SVIL: variants seen among roughly 807,000 people sequenced by gnomAD.
SVIL encodes supervillin.
Under a neutral mutation model 240.4 loss-of-function variants are expected in SVIL, and 101 were observed. That is an observed-to-expected ratio of 0.42 (90% CI 0.36 to 0.50). The LOEUF is 0.50. Among genes scored for constraint, SVIL ranks in the 20% least tolerant of loss-of-function variants. The probability of loss-of-function intolerance (pLI) is 0.01; values close to 1 mark genes in which losing one functional copy is unlikely to be tolerated. For missense variants in SVIL, 2,512 were observed against 2,818.7 expected (o/e 0.89, Z 2.46); for synonymous variants, 999 against 1,100.0 (o/e 0.91, Z 1.82).
intron 1 of SVIL, among the ~76,000 whole-genome samples, chr10:29,622,277 A>G (rs4747671): frequency 6.8e-6 from 1 of 147,774 alleles, no homozygotes; most frequent in East Asian, 2.0e-4. Flanking sequence ...AAAAAAAAAG[A>G]ACCTTGGAAA....
chr10:29,696,104 GCCA>G (rs1961965266), intron 1 of SVIL, among the ~76,000 whole-genome samples: 1 of 151,798 alleles, frequency 6.6e-6, no homozygotes, highest in African/African-American at 2.4e-5. Flanking sequence ...GGCGCGCGCC[GCCA>G]CGCCTGACTG....
At position 29,727,746 on chromosome 10, in the gene SVIL, A is replaced by C. The variant is rs1386642377; in HGVS notation, c.-400+8005T>G. Among the ~76,000 whole-genome samples the C allele has an allele frequency of 6.9e-4, 104 of 151,450 alleles. 1 individual carries two copies. The highest frequency in any genetic ancestry group is 3.7e-3 in the South Asian group (18 of 4,830). On this transcript the variant is annotated intron_variant, in intron 1 of 35. Coordinates refer to the SVIL transcript ENST00000375400. The stretch of plus-strand genomic sequence containing the variant: ...GTGAATTAAGTCGTGAACACAAAAA[A>C]AAAAAAAAAAGAAAAAGTCACAAAA...
intron 6 of SVIL, among the ~76,000 whole-genome samples, chr10:29,540,030 C>T (rs1233576924): frequency 6.6e-6 from 1 of 152,174 alleles, no homozygotes; most frequent in East Asian, 1.9e-4. Context: ...ACCACCGCCT[C>T]TCACGTGCGT....
intron 16 of SVIL, among the ~76,000 whole-genome samples, chr10:29,516,750 C>T (rs567268733): frequency 7.9e-5 from 12 of 152,326 alleles, no homozygotes; most frequent in South Asian, 2.1e-4. Context: ...CCAGGGCCAC[C>T]GTGACAGGTG....
At chr10:29,658,439 A>G (rs1454588366) in intron 2 of SVIL, among the ~76,000 whole-genome samples, 3 of 152,232 alleles carry the variant, frequency 2.0e-5, no homozygotes, top group Non-Finnish European at 4.4e-5. Context: ...AGTACTTTCT[A>G]AATTCAAATT....
At chr10:29,628,500 C>A (rs1283604209) in intron 1 of SVIL, among the ~76,000 whole-genome samples, 1 of 152,180 alleles carries the variant, frequency 6.6e-6, no homozygotes, top group Non-Finnish European at 1.5e-5. Flanking sequence ...TATTTGCCAA[C>A]TTTCCATGCT....
chr10:29,648,627 C>A (rs1958741565), intron 3 of SVIL, among the ~76,000 whole-genome samples: 1 of 152,180 alleles, frequency 6.6e-6, no homozygotes, highest in Non-Finnish European at 1.5e-5. Context: ...CAATCACTTT[C>A]TCTTGCTCTT....
intron 6 of SVIL, among the ~76,000 whole-genome samples, chr10:29,543,678 T>C (rs1204743969): frequency 6.6e-6 from 1 of 152,070 alleles, no homozygotes; most frequent in Non-Finnish European, 1.5e-5. Context: ...CCTCTCTTCC[T>C]CCTCCATCTC....
chr10:29,458,295 C>T lies in SVIL; in HGVS notation c.6597G>A (p.Leu2199=), dbSNP rs560831581. 93 of 1,614,246 alleles carry T rather than the reference C, an allele frequency of 5.8e-5. No homozygotes were observed. In the South Asian group the frequency reaches 9.3e-4, roughly 16 times the overall value. Residue 2199 remains leucine (L), a synonymous_variant, in exon 38 of 38, where the codon CTG becomes CTA. Transcript: ENST00000355867. ...LDMTRDEYNA[L]PAWKQVNLKK... ...TCAGGTTCACCTGCTTCCAGGCGGG[C>T]AGGGCGTTGTATTCATCCCTCGTCA...
chr10:29,615,293 C>G (rs1957390547), intron 1 of SVIL, among the ~76,000 whole-genome samples: 1 of 152,168 alleles, frequency 6.6e-6, no homozygotes, highest in Non-Finnish European at 1.5e-5. Context: ...TGTTTCTTAG[C>G]CTTTTAAAAT....
At chr10:29,590,156 A>C (rs1956329831) in intron 1 of SVIL, among the ~76,000 whole-genome samples, 3 of 122,070 alleles carry the variant, frequency 2.5e-5, no homozygotes, top group Admixed American at 9.7e-5. Context: ...ACAGAGCAAG[A>C]CTCCGTCTCA....
At chr10:29,536,440 GA>G (rs202055484) in intron 6 of SVIL, among the ~76,000 whole-genome samples, 14 of 151,962 alleles carry the variant, frequency 9.2e-5, no homozygotes, top group African/African-American at 3.4e-4. Context: ...ATATTATAGG[GA>G]AAAAAAGAAT....
chr10:29,469,744 C>T (rs1945337608), intron 32 of SVIL, among the ~76,000 whole-genome samples: 1 of 152,176 alleles, frequency 6.6e-6, no homozygotes, highest in South Asian at 2.1e-4. Context: ...GGGAGGGGAA[C>T]AAAACCCAAC....
At chr10:29,574,787 G>T (rs1263480202) in intron 1 of SVIL, among the ~76,000 whole-genome samples, 2 of 152,172 alleles carry the variant, frequency 1.3e-5, no homozygotes, top group African/African-American at 2.4e-5. Flanking sequence ...GGATGTCGCT[G>T]GTAAAGGGGC....
At chr10:29,683,732 T>C (rs534796875) in intron 2 of SVIL, among the ~76,000 whole-genome samples, 286 of 152,324 alleles carry the variant, frequency 1.9e-3, no homozygotes, top group Non-Finnish European at 2.9e-3. Flanking sequence ...TCATTTACCC[T>C]GATTCACCTG....
In SVIL at chr10:29,495,198, C is replaced by T. The variant is rs778282533; in HGVS notation, c.3665-17G>A. 47 of 1,359,916 alleles carry T rather than the reference C, an allele frequency of 3.5e-5. No homozygotes were observed. The highest frequency in any genetic ancestry group is 3.2e-4 in the African/African-American group (19 of 59,096). The allele number at this position is 1,359,916 out of a possible 1,614,324, so 84.2% of individuals were successfully genotyped here. A position where few individuals can be genotyped will look rare whatever the true frequency, so the allele number is the denominator to read the frequency against. The stretch of plus-strand genomic sequence containing the variant: ...ACGCCAAACCTGTGGAACACACAGA[C>T]GAGCTACTGAGCATCTCAGGGTCAC... On this transcript the variant is annotated splice_polypyrimidine_tract_variant and intron_variant, in intron 18 of 37. Transcript: ENST00000355867.
intron 3 of SVIL, among the ~76,000 whole-genome samples, chr10:29,656,028 G>T (rs368949564): frequency 3.4e-5 from 5 of 146,960 alleles, no homozygotes; most frequent in Non-Finnish European, 6.0e-5. Flanking sequence ...GTGGCACCAC[G>T]CCCAGCTAAT....
In SVIL at chr10:29,614,224, T is replaced by C. The variant is rs566934324; in HGVS notation, c.-201+20196A>G. Among the ~76,000 whole-genome samples the C allele has an allele frequency of 3.9e-5, 6 of 152,232 alleles. No individual in the cohort carries two copies. The East Asian group carries it at 1.2e-3, about 29-fold the overall frequency. ...TTTATCACTGAAGTTACAAAAAGAA[T>C]TACAATAACATTTTAGTTAAAAAAA... On this transcript the variant is annotated intron_variant, in intron 1 of 37. Transcript: ENST00000355867.
chr10:29,593,227 C>T (rs1354127022), intron 1 of SVIL, among the ~76,000 whole-genome samples: 1 of 152,288 alleles, frequency 6.6e-6, no homozygotes, highest in East Asian at 1.9e-4. Flanking sequence ...TAACATTTTA[C>T]ACTATTATAA....
Sources: gnomAD v4.1 joint callset for allele counts (sites outside exome capture counted in the v4.1 genomes callset) on GRCh38, gnomAD v4.1.1 for gene constraint, MANE v1.5 for transcripts, NCBI Gene and HGNC (gene_info 2026-07-23, HGNC 2026-07-21) for gene names.